Variants in SLX4IP observed in about 807,000 individuals in gnomAD.
SLX4IP encodes the protein protein SLX4IP.
A neutral mutation model predicts 32.9 loss-of-function variants in SLX4IP; 34 were observed. That is an observed-to-expected ratio of 1.03 (90% CI 0.79 to 1.38). The LOEUF (loss-of-function observed/expected upper bound fraction) is 1.38, where lower values mean the gene tolerates loss of function less well. SLX4IP is among the 40% of genes most tolerant of loss of function. The pLI, the probability that SLX4IP is intolerant of heterozygous loss-of-function variation, is 0.00. For missense variants in SLX4IP, 444 were observed against 479.0 expected (o/e 0.93, Z 0.68); for synonymous variants, 172 against 171.7 (o/e 1.00, Z -0.01).
chr20:10,569,576 C>CT (rs2066437924), intron 4 of SLX4IP, among the ~76,000 whole-genome samples: 1 of 152,178 alleles, frequency 6.6e-6, no homozygotes, highest in South Asian at 2.1e-4. Flanking sequence ...TTCTCAAAGT[C>CT]TAAAGACTAG....
intron 6 of SLX4IP, among the ~76,000 whole-genome samples, chr20:10,619,170 C>T (rs1236489711): frequency 2.6e-5 from 4 of 151,934 alleles, no homozygotes; most frequent in Non-Finnish European, 4.4e-5. Context: ...CGGGAGACCC[C>T]GCCTTGCTTT....
intron 6 of SLX4IP, among the ~76,000 whole-genome samples, chr20:10,608,642 C>A (rs963349504): frequency 6.8e-6 from 1 of 146,594 alleles, no homozygotes; most frequent in African/African-American, 2.5e-5. Flanking sequence ...CCACTGCACT[C>A]CAGCCTGGGT....
chr20:10,502,446 T>C (rs2065727023), intron 2 of SLX4IP, among the ~76,000 whole-genome samples: 1 of 152,214 alleles, frequency 6.6e-6, no homozygotes, highest in Non-Finnish European at 1.5e-5. Flanking sequence ...GGCCTTCCGA[T>C]CTGACTCTTC....
chr20:10,500,568 T>C (rs1476819297), intron 2 of SLX4IP, among the ~76,000 whole-genome samples: 1 of 151,964 alleles, frequency 6.6e-6, no homozygotes, highest in African/African-American at 2.4e-5. Flanking sequence ...CTGGGCAACA[T>C]AGCAAAATCC....
At chr20:10,492,264 A>G (rs1156866197) in intron 2 of SLX4IP, among the ~76,000 whole-genome samples, 3 of 152,168 alleles carry the variant, frequency 2.0e-5, no homozygotes, top group Admixed American at 2.0e-4. Context: ...TTGCAGAACT[A>G]CAGAACATGA....
intron 6 of SLX4IP, among the ~76,000 whole-genome samples, chr20:10,620,661 C>T (rs1326563695): frequency 6.6e-6 from 1 of 152,108 alleles, no homozygotes; most frequent in East Asian, 1.9e-4. Context: ...TCACGCCATT[C>T]TCCTGCCTCA....
At chr20:10,496,736 A>T (rs370051383) in intron 2 of SLX4IP, among the ~76,000 whole-genome samples, 4 of 152,004 alleles carry the variant, frequency 2.6e-5, no homozygotes, top group Non-Finnish European at 5.9e-5. Context: ...TGGGAGTAGC[A>T]CCCAAGGGGC....
intron 2 of SLX4IP, among the ~76,000 whole-genome samples, chr20:10,460,692 C>T (rs929111784): frequency 4.6e-5 from 7 of 152,168 alleles, no homozygotes; most frequent in Non-Finnish European, 7.3e-5. Context: ...TTCCATTGAT[C>T]AGAGCATTCA....
intron 5 of SLX4IP, among the ~76,000 whole-genome samples, chr20:10,600,205 A>G (rs2066824782): frequency 6.6e-6 from 1 of 152,186 alleles, no homozygotes; most frequent in African/African-American, 2.4e-5. Context: ...CTGGCTTTTC[A>G]AAATCCACCT....
chr20:10,472,821 C>T (rs1160774862), intron 2 of SLX4IP, among the ~76,000 whole-genome samples: 3 of 152,208 alleles, frequency 2.0e-5, no homozygotes, highest in Non-Finnish European at 4.4e-5. Flanking sequence ...TTACCTGATA[C>T]AGGCCTTTTA....
At chr20:10,599,415 G>A (rs1007515099) in intron 5 of SLX4IP, among the ~76,000 whole-genome samples, 2 of 152,090 alleles carry the variant, frequency 1.3e-5, no homozygotes, top group African/African-American at 2.4e-5. Flanking sequence ...GCTCGAATAT[G>A]TTATTCTCTT....
chr20:10,562,726 T>C (rs936402288), intron 4 of SLX4IP, among the ~76,000 whole-genome samples: 1 of 152,170 alleles, frequency 6.6e-6, no homozygotes, highest in African/African-American at 2.4e-5. Context: ...ATGACAGATT[T>C]TATTTTATTT....
intron 2 of SLX4IP, among the ~76,000 whole-genome samples, chr20:10,476,048 G>A (rs181902716): frequency 6.4e-4 from 97 of 152,242 alleles, no homozygotes; most frequent in African/African-American, 2.2e-3. Context: ...TGGGGATGAC[G>A]ATGGTCATAA....
intron 2 of SLX4IP, among the ~76,000 whole-genome samples, chr20:10,535,015 C>T (rs1041244421): frequency 1.3e-5 from 2 of 152,110 alleles, no homozygotes; most frequent in African/African-American, 4.8e-5. Context: ...GTGGAAGGCC[C>T]CTCCAAAGGT....
intron 2 of SLX4IP, among the ~76,000 whole-genome samples, chr20:10,495,077 T>C (rs1355714844): frequency 6.6e-6 from 1 of 152,180 alleles, no homozygotes; most frequent in Non-Finnish European, 1.5e-5. Context: ...AAACATCACA[T>C]TGTACTGAAT....
chr20:10,474,904 G>A (rs763966480), intron 2 of SLX4IP, among the ~76,000 whole-genome samples: 1 of 152,168 alleles, frequency 6.6e-6, no homozygotes, highest in East Asian at 1.9e-4. Context: ...TTTTCCTCAG[G>A]GAGCCGTGGG....
chr20:10,557,663 G>C (rs1168156106), intron 3 of SLX4IP, among the ~76,000 whole-genome samples: 1 of 152,218 alleles, frequency 6.6e-6, no homozygotes, highest in African/African-American at 2.4e-5. Context: ...ACCATTCCAG[G>C]CCTGTTCTCC....
chr20:10,456,250 T>G (rs1427912228), intron 1 of SLX4IP, among the ~76,000 whole-genome samples: 1 of 152,224 alleles, frequency 6.6e-6, no homozygotes, highest in Non-Finnish European at 1.5e-5. Flanking sequence ...GAAGCACTTC[T>G]GGTCCTAAGC....
intron 1 of SLX4IP, among the ~76,000 whole-genome samples, chr20:10,444,340 T>G (rs2065183365): frequency 6.6e-6 from 1 of 152,136 alleles, no homozygotes; most frequent in Non-Finnish European, 1.5e-5. Flanking sequence ...ACGTTTAAGA[T>G]CAAGGCACCA....
Sources: gnomAD v4.1 joint callset for allele counts (sites outside exome capture counted in the v4.1 genomes callset) on GRCh38, gnomAD v4.1.1 for gene constraint, MANE v1.5 for transcripts, NCBI Gene and HGNC (gene_info 2026-07-23, HGNC 2026-07-21) for gene names.